Variants in NAALADL2 observed in about 807,000 individuals in gnomAD.
The protein encoded by NAALADL2 is N-acetylated alpha-linked acidic dipeptidase like 2.
In NAALADL2, 76 loss-of-function variants were observed where a neutral mutation model predicts 87.2. That is an observed-to-expected ratio of 0.87 (90% confidence interval 0.72 to 1.05). The LOEUF (loss-of-function observed/expected upper bound fraction) is 1.05, where lower values mean the gene tolerates loss of function less well. NAALADL2 is among the 50% of genes least tolerant of loss of function. The pLI is 0.00. For synonymous variants in NAALADL2, 354 were observed against 331.0 expected (o/e 1.07, Z -0.75); for missense variants, 1,089 against 945.8 (o/e 1.15, Z -1.99).
chr3:174,609,294 G>T (rs1490346620), intron 2 of NAALADL2, among the ~76,000 whole-genome samples: 2 of 152,074 alleles, frequency 1.3e-5, no homozygotes, highest in Non-Finnish European at 2.9e-5. Context: ...ATTCAACATA[G>T]TGTTGGAAGT....
intron 11 of NAALADL2, among the ~76,000 whole-genome samples, chr3:175,736,261 A>T (rs1475243814): frequency 3.9e-5 from 6 of 152,226 alleles, no homozygotes; most frequent in African/African-American, 1.4e-4. Context: ...AAGATTGCAG[A>T]TATGAGCTTT....
At chr3:174,584,598 A>C (rs1193995541) in intron 2 of NAALADL2, among the ~76,000 whole-genome samples, 1 of 152,168 alleles carries the variant, frequency 6.6e-6, no homozygotes, top group Non-Finnish European at 1.5e-5. Context: ...AATTATGGTC[A>C]GATTCCCTAG....
At chr3:174,828,997 C>T (rs1034695772) in intron 3 of NAALADL2, among the ~76,000 whole-genome samples, 1 of 152,084 alleles carries the variant, frequency 6.6e-6, no homozygotes, top group African/African-American at 2.4e-5. Flanking sequence ...CATTAAAATA[C>T]TCAAATTTTA....
chr3:174,988,266 C>A (rs947331552), intron 1 of NAALADL2, among the ~76,000 whole-genome samples: 3 of 152,102 alleles, frequency 2.0e-5, no homozygotes, highest in African/African-American at 7.2e-5. Context: ...AACTAACATC[C>A]AGTTAAGCTT....
At chr3:174,870,593 A>T (rs530904072) in intron 1 of NAALADL2, among the ~76,000 whole-genome samples, 3,591 of 90,596 alleles carry the variant, frequency 0.04, 147 homozygotes, top group African/African-American at 0.15. Flanking sequence ...ACAAAAAAAT[A>T]AAAAAAAAAC....
chr3:175,097,365 A>G, intron 2 of NAALADL2, 74 bp downstream of exon 2: 1 of 1,324,134 alleles, frequency 7.6e-7, no homozygotes, highest in East Asian at 2.3e-5. Flanking sequence ...TATTGAACTG[A>G]TGATTTTTCA....
chr3:175,641,347 T>A (rs1051084393), intron 11 of NAALADL2, among the ~76,000 whole-genome samples: 10 of 152,240 alleles, frequency 6.6e-5, no homozygotes, highest in Admixed American at 2.0e-4. Context: ...CCTTTCTCCC[T>A]CTTCCCTCTT....
chr3:175,004,791 T>C (rs1748794787), intron 1 of NAALADL2, among the ~76,000 whole-genome samples: 1 of 152,080 alleles, frequency 6.6e-6, no homozygotes, highest in South Asian at 2.1e-4. Context: ...GTATAAGGTA[T>C]ATATGAAACA....
At chr3:174,705,676 G>A (rs1224367731) in intron 2 of NAALADL2, among the ~76,000 whole-genome samples, 1 of 151,760 alleles carries the variant, frequency 6.6e-6, no homozygotes, top group Non-Finnish European at 1.5e-5. Context: ...CCAGCTACTC[G>A]GGAGGCTGAG....
chr3:175,692,150 C>T (rs1050988459), intron 11 of NAALADL2, among the ~76,000 whole-genome samples: 1 of 152,032 alleles, frequency 6.6e-6, no homozygotes, highest in Non-Finnish European at 1.5e-5. Flanking sequence ...CTTCTGGTTA[C>T]ATTTCTATGA....
At chr3:175,235,374 T>G (rs903654404) in intron 3 of NAALADL2, 3 of 152,212 alleles carry the variant, frequency 2.0e-5, no homozygotes, top group African/African-American at 7.2e-5. Context: ...ATATAACTAT[T>G]ACCACCTTGA....
chr3:174,699,994 G>T (rs1200115267), intron 2 of NAALADL2, among the ~76,000 whole-genome samples: 2 of 151,948 alleles, frequency 1.3e-5, no homozygotes, highest in Non-Finnish European at 2.9e-5. Context: ...TGCTGGAAGT[G>T]TCAGGTTCAA....
chr3:174,635,234 G>T (rs1722513650), intron 2 of NAALADL2, among the ~76,000 whole-genome samples: 1 of 152,142 alleles, frequency 6.6e-6, no homozygotes, highest in South Asian at 2.1e-4. Flanking sequence ...AGAAATTGGA[G>T]TGTACTGACC....
chr3:174,736,894 G>A (rs1733269052), intron 2 of NAALADL2, among the ~76,000 whole-genome samples: 1 of 152,184 alleles, frequency 6.6e-6, no homozygotes, highest in Non-Finnish European at 1.5e-5. Context: ...TCCTGTGCTT[G>A]TTGGTGCCCA....
At chr3:175,802,727 T>TATCA (rs778954480) in intron 13 of NAALADL2, among the ~76,000 whole-genome samples, 131 of 151,142 alleles carry the variant, frequency 8.7e-4, no homozygotes, top group Non-Finnish European at 1.6e-3. Context: ...TTTCTTTTTC[T>TATCA]ATCAAAACTG....
chr3:175,231,828 G>A (rs1744981232), intron 2 of NAALADL2, among the ~76,000 whole-genome samples: 1 of 152,026 alleles, frequency 6.6e-6, no homozygotes, highest in Non-Finnish European at 1.5e-5. Context: ...AACAGAATAA[G>A]GTATTGGTTC....
intron 1 of NAALADL2, among the ~76,000 whole-genome samples, chr3:174,441,653 C>G (rs146523218): frequency 6.6e-6 from 1 of 152,110 alleles, no homozygotes; most frequent in African/African-American, 2.4e-5. Flanking sequence ...TAACGTCTGG[C>G]TTACTACCAC....
chr3:175,302,249 CAATT>C (rs1757176335), intron 4 of NAALADL2, among the ~76,000 whole-genome samples: 1 of 152,126 alleles, frequency 6.6e-6, no homozygotes, highest in African/African-American at 2.4e-5. Context: ...AAGAGGAAGA[CAATT>C]AATGAATTTT....
intron 2 of NAALADL2, among the ~76,000 whole-genome samples, chr3:174,600,579 T>A (rs1022844930): frequency 1.2e-4 from 19 of 152,136 alleles, no homozygotes; most frequent in African/African-American, 4.1e-4. Context: ...GTAAGTGCAT[T>A]AGTCTGTTCT....
Sources: allele counts gnomAD v4.1 joint callset (sites outside exome capture counted in the v4.1 genomes callset), GRCh38; gene constraint gnomAD v4.1.1; transcripts MANE v1.5; gene names NCBI Gene and HGNC (gene_info 2026-07-23, HGNC 2026-07-21).